Variants in PRG4 observed in about 807,000 individuals in gnomAD.
PRG4 encodes articular superficial zone protein.
A neutral mutation model predicts 91.2 loss-of-function variants in PRG4; 61 were observed. That is an observed-to-expected ratio of 0.67 (90% CI 0.54 to 0.83). The LOEUF is 0.83. Ranked by LOEUF, PRG4 falls within the 40% of genes least tolerant of loss-of-function variation. The pLI, the probability that PRG4 is intolerant of heterozygous loss-of-function variation, is 0.00. For missense variants in PRG4, 1,564 were observed against 1,714.2 expected, an observed-to-expected ratio of 0.91 and a Z score of 1.55; for synonymous variants, 576 against 614.2, an observed-to-expected ratio of 0.94 and a Z score of 0.92.
At chr1:186,310,618 G>A (rs908219438) in intron 8 of PRG4, among the ~76,000 whole-genome samples, 3 of 151,660 alleles carry the variant, frequency 2.0e-5, no homozygotes, top group Non-Finnish European at 4.4e-5. Flanking sequence ...GAGTAGCTGG[G>A]ACTACAGGTG....
Position 186,301,141 on chromosome 1 carries a change from AC to A in PRG4, c.200-448del, listed in dbSNP as rs200060773. Among the ~76,000 whole-genome samples, 1,031 of 152,294 alleles carry A rather than the reference AC, an allele frequency of 6.8e-3. 13 individuals carry two copies. The highest frequency in any genetic ancestry group is 0.022 in the African/African-American group (926 of 41,550). On this transcript the variant is annotated intron_variant, in intron 3 of 12. Coordinates refer to ENST00000445192, the MANE Select transcript of PRG4 (RefSeq NM_005807.6). ...AAATGATTTTTAAGCCTCAAAAATGACCCATTTACGTGGAATATATATACAT... is the reference window on the plus strand; with the variant it reads ...AAATGATTTTTAAGCCTCAAAAATGACCATTTACGTGGAATATATATACAT...
rs77159860 is a variant in PRG4 at position 186,313,490 on chromosome 1, T to C, written c.4118-191T>C. On this transcript the variant is annotated intron_variant, in intron 12 of 12. Coordinates refer to ENST00000445192, the MANE Select transcript of PRG4 (RefSeq NM_005807.6). ...AAAAAGATGGTGAAATGTCAATCTT[T>C]TGAAACATCAAAAAAGCTGAAAAGT... The C allele has an allele frequency of 4.4e-4, 239 of 539,538 alleles. 4 individuals carry two copies. Among genetic ancestry groups the C allele is most frequent in the Non-Finnish European group, 1.1e-4 (33 of 305,316 alleles). The allele number at this position is 539,538 out of a possible 1,614,324, so 33.4% of individuals were successfully genotyped here. A position where few individuals can be genotyped will look rare whatever the true frequency, so the allele number is the denominator to read the frequency against.
Position 186,309,098 on chromosome 1 carries a change from A to G in PRG4, c.3379A>G (p.Arg1127Gly). The change falls in exon 7 of 13, where the codon AGA (arginine) becomes GGA (glycine). Residue 1127 changes from arginine (R) to glycine (G), a missense_variant. Arg to Gly is a moderately radical substitution (Grantham distance 125). Coordinates refer to ENST00000445192, the MANE Select transcript of PRG4 (RefSeq NM_005807.6). ...TACTCCCGACATGGATTACTTACCG[A>G]GAGTACCCAATCAAGGCATTATCAT... ...EVTPDMDYLPRVPNQGIIINP... is the reference protein window; with the variant it reads ...EVTPDMDYLPGVPNQGIIINP... 3 of 1,613,992 alleles carry G rather than the reference A, an allele frequency of 1.9e-6. No individual in the cohort carries two copies. The highest frequency in any genetic ancestry group is 2.5e-6 in the Non-Finnish European group (3 of 1,179,954).
rs142890978 is a variant in PRG4, at chr1:186,301,708, G to A, written c.316G>A (p.Glu106Lys). ...TCCCGATTATGAGAGTTTCTGTGCA[G>A]AAGGTAAGCATCACAGTACCAACCA... is the stretch of plus-strand genomic sequence containing the variant. ...CCPDYESFCA[E>K]VHNPTSPPSS... Residue 106 changes from glutamate (E) to lysine (K), a missense_variant, in exon 4 of 13, where the codon GAA becomes AAA. By Grantham distance (56) the Glu-to-Lys change is moderately conservative. Transcript: ENST00000445192. The A allele has an allele frequency of 5.0e-6, 8 of 1,613,652 alleles. No homozygotes were observed. The Admixed American group carries it at 5.0e-5, about 10-fold the overall frequency.
intron 2 of PRG4, among the ~76,000 whole-genome samples, chr1:186,299,886 C>G (rs1656087240): frequency 6.6e-6 from 1 of 152,144 alleles, no homozygotes. Context: ...TGTTTATCAT[C>G]TCAGTCTAGT....
chr1:186,314,483 G>T lies in PRG4; in HGVS notation c.*705G>T. 1 of 524,732 alleles carries T rather than the reference G, an allele frequency of 1.9e-6. No individual in the cohort carries two copies. The highest frequency in any genetic ancestry group is 3.2e-6 in the Non-Finnish European group (1 of 307,970). 32.5% of individuals were successfully genotyped at this position (524,732 alleles called of 1,614,324 possible). ...CTGTCTACATGAAGTTTACAGATTG[G>T]TAAATATCACCTGCTCAACATGTAA... On this transcript the variant is annotated 3_prime_UTR_variant, in exon 13 of 13. Coordinates refer to ENST00000445192, the MANE Select transcript of PRG4 (RefSeq NM_005807.6).
intron 11 of PRG4, 36 bp from the exon 12 acceptor site, chr1:186,312,733 T>C: frequency 6.2e-7 from 1 of 1,605,250 alleles, no homozygotes. Context: ...CATTGCCTTT[T>C]AATCTGGTAT....
At position 186,307,735 on chromosome 1, in the gene PRG4, G is replaced by A. The variant is rs757365547; in HGVS notation, c.2016G>A (p.Ala672=). ...CTGCTCCCACCACTCCCAAGGCAGC[G>A]GCTCCCAACACCCCTAAGGAGCCTG... The part of the protein sequence containing the change: ...EEPAPTTPKA[A]APNTPKEPAP... The change falls in exon 7 of 13, where the codon GCG becomes GCA. Residue 672 remains alanine, a synonymous_variant. Coordinates refer to ENST00000445192, the MANE Select transcript of PRG4 (RefSeq NM_005807.6). 29 of 1,571,534 alleles carry A rather than the reference G, an allele frequency of 1.8e-5. No homozygotes were observed. Among genetic ancestry groups the A allele is most frequent in the Admixed American group, 3.6e-5 (2 of 55,964 alleles).
chr1:186,312,004 TAATA>T (rs1233905875), intron 10 of PRG4, 167 bp from the exon 11 acceptor site: 106 of 600,872 alleles, frequency 1.8e-4, no homozygotes, highest in Non-Finnish European at 2.8e-4. Context: ...TATTTCAGTT[TAATA>T]ATTATTTTTA....
chr1:186,310,331 T>C (rs1379633061), intron 8 of PRG4, among the ~76,000 whole-genome samples: 28 of 152,230 alleles, frequency 1.8e-4, no homozygotes, highest in Admixed American at 1.8e-3. Flanking sequence ...TGTACTCTGC[T>C]AGTCCAGTCT....
rs1470966726 is a variant in PRG4 at position 186,306,279 on chromosome 1, A to G, written c.599-39A>G. On this transcript the variant is annotated intron_variant, in intron 6 of 12. Transcript: ENST00000445192. ...CTTTATGTCACTATTAAAGAAAAAA[A>G]AATATTCTAAAATAACAAGATGTAT... The G allele has an allele frequency of 2.7e-6, 4 of 1,484,736 alleles. No homozygotes were observed. In the East Asian group the frequency reaches 9.1e-5, roughly 34 times the overall value. The allele number at this position is 1,484,736 out of a possible 1,614,324, so 92.0% of individuals were successfully genotyped here.
rs747827218 is a variant in PRG4, at chr1:186,307,755, A to G, written c.2036A>G (p.Glu679Gly). ...GCAGCGGCTCCCAACACCCCTAAGG[A>G]GCCTGCTCCAACTACCCCTAAGGAG... ...PKAAAPNTPK[E>G]PAPTTPKEPA... is the part of the protein sequence containing the mutation. The change falls in exon 7 of 13, where the codon GAG becomes GGG. Residue 679 changes from glutamate to glycine, a missense_variant. Glu to Gly is a moderately conservative substitution (Grantham distance 98). Coordinates refer to ENST00000445192, the MANE Select transcript of PRG4 (RefSeq NM_005807.6). 13 of 1,609,228 alleles carry G rather than the reference A, an allele frequency of 8.1e-6. No homozygotes were observed. The Admixed American group carries it at 2.0e-4, about 25-fold the overall frequency.
At chr1:186,301,847 T>G in intron 4 of PRG4, 136 bp downstream of exon 4, 2 of 1,303,320 alleles carry the variant, frequency 1.5e-6, no homozygotes, top group Non-Finnish European at 2.2e-6. Flanking sequence ...TTCATAATAA[T>G]TTTGTTTTGT....
chr1:186,304,677 A>G (rs1656431598), intron 5 of PRG4, 117 bp from the exon 6 acceptor site: 1 of 1,353,320 alleles, frequency 7.4e-7, no homozygotes, highest in East Asian at 2.3e-5. Flanking sequence ...TACTAATAAA[A>G]GCAAAATCCA....
intron 3 of PRG4, 123 bp downstream of exon 3, chr1:186,300,336 T>G: frequency 7.8e-7 from 1 of 1,289,366 alleles, no homozygotes; most frequent in Non-Finnish European, 1.1e-6. Context: ...CAGTGCTGTT[T>G]TCCCACTGTA....
At chr1:186,298,755 G>A (rs1357079682) in intron 2 of PRG4, among the ~76,000 whole-genome samples, 4 of 151,980 alleles carry the variant, frequency 2.6e-5, no homozygotes, top group African/African-American at 7.3e-5. Context: ...CCAAAGTGCT[G>A]GAATTACAGA....
In PRG4 at chr1:186,307,128, C is replaced by T. The variant is rs752039251; in HGVS notation, c.1409C>T (p.Thr470Ile). Residue 470 changes from threonine (T) to isoleucine (I), a missense_variant, in exon 7 of 13, where the codon ACC becomes ATC. Physicochemically the swap from Thr to Ile is moderately conservative, Grantham distance 89. Transcript: ENST00000445192. The stretch of plus-strand genomic sequence containing the variant: ...ACCACTCCCAAGGAGCCTGCACCCA[C>T]CACCAAGGAGCCTGCACCCACCACT... The part of the protein sequence containing the change: ...TPTTPKEPAP[T>I]TKEPAPTTPK... 6.3e-7 allele frequency: 1 copy of T among 1,589,912 alleles called. No individual in the cohort carries two copies. Among genetic ancestry groups the T allele is most frequent in the Admixed American group, 1.7e-5 (1 of 58,708 alleles).
At position 186,314,186 on chromosome 1, in the gene PRG4, C is replaced by T; in HGVS notation, c.*408C>T. The T allele has an allele frequency of 1.6e-6, 1 of 612,414 alleles. No homozygotes were observed. Among genetic ancestry groups the T allele is most frequent in the Non-Finnish European group, 2.7e-6 (1 of 366,278 alleles). 37.9% of individuals were successfully genotyped at this position (612,414 alleles called of 1,614,324 possible). A position where few individuals can be genotyped will look rare whatever the true frequency, so the allele number is the denominator to read the frequency against. ...TGGAAATTATTACAAGCAGATTAAT[C>T]CCTCTTTTTGTGACACAAGTACAAT... is the stretch of plus-strand genomic sequence containing the variant. On this transcript the variant is annotated 3_prime_UTR_variant, in exon 13 of 13. Transcript: ENST00000445192.
At position 186,304,186 on chromosome 1, in the gene PRG4, C is replaced by T. The variant is rs1656400100; in HGVS notation, c.398C>T (p.Thr133Ile). ...GCATCTCAAACCATCAAATCAACAA[C>T]CAAACGTTCACCCAAACCACCAAAC... ...SGASQTIKST[T>I]KRSPKPPNKK... The change falls in exon 5 of 13, where the codon ACC (threonine) becomes ATC (isoleucine). Residue 133 changes from threonine to isoleucine, a missense_variant. Physicochemically the swap from Thr to Ile is moderately conservative, Grantham distance 89. Coordinates refer to ENST00000445192, the MANE Select transcript of PRG4 (RefSeq NM_005807.6). 2 of 1,613,694 alleles carry T rather than the reference C, an allele frequency of 1.2e-6. No homozygotes were observed. The highest frequency in any genetic ancestry group is 8.5e-7 in the Non-Finnish European group (1 of 1,179,602).
Sources: gnomAD v4.1 joint callset for allele counts (sites outside exome capture counted in the v4.1 genomes callset) on GRCh38, gnomAD v4.1.1 for gene constraint, MANE v1.5 for transcripts, NCBI Gene and HGNC (gene_info 2026-07-23, HGNC 2026-07-21) for gene names.